The following AMZ1 variants were observed in gnomAD, a reference collection of about 807,000 sequenced individuals.
AMZ1 encodes the protein archaelysin family metallopeptidase 1.
Under a neutral mutation model 29.9 loss-of-function variants are expected in AMZ1, and 39 were observed. The observed-to-expected ratio is 1.30, with a 90% CI of 1.01 to 1.70. AMZ1 has a LOEUF of 1.70. Ranked by LOEUF, AMZ1 falls within the 40% of genes most tolerant of loss-of-function variation. The pLI is 0.00. For missense variants in AMZ1, 1,041 were observed against 680.6 expected, an observed-to-expected ratio of 1.53 and a Z score of -5.89; for synonymous variants, 458 against 304.0, an observed-to-expected ratio of 1.51 and a Z score of -5.27.
At chr7:2,762,661 AG>A, upstream of AMZ1, 4 of 1,598,692 alleles carry the variant, frequency 2.5e-6, no homozygotes, top group Non-Finnish European at 2.6e-6. Flanking sequence ...GGACGATGAG[AG>A]GATAAATCAT....
chr7:2,722,940 C>T (rs1789481987), downstream of AMZ1, among the ~76,000 whole-genome samples: 1 of 152,194 alleles, frequency 6.6e-6, no homozygotes, highest in Middle Eastern at 3.4e-3. Context: ...GATCACACCA[C>T]TGCACTCCAG....
In AMZ1 at chr7:2,724,852, C is replaced by G. The variant is rs114012938; in HGVS notation, n.550+15036C>G. Among the ~76,000 whole-genome samples, 533 of 152,224 alleles carry G rather than the reference C, an allele frequency of 3.5e-3. 4 individuals carry two copies. The highest frequency in any genetic ancestry group is 0.012 in the African/African-American group (511 of 41,548). ...GTGAGAGTCTCACAATGACAATGTC[C>G]GGGAAGGATTTCCAAACGTCAGGGT... On this transcript the variant is annotated intron_variant and non_coding_transcript_variant, in intron 4 of 4. Coordinates refer to the AMZ1 transcript ENST00000489665.
In AMZ1 at chr7:2,731,495, C is replaced by T. The variant is rs200282933; in HGVS notation, n.550+21679C>T. On this transcript the variant is annotated intron_variant and non_coding_transcript_variant, in intron 4 of 4. Transcript: ENST00000489665. The surrounding 1 kb of genome is among the most constrained non-coding windows in gnomAD (Gnocchi z 6.0). ...AAGAGCTTGTTGTTGACGATGGTCT[C>T]GAAGATGTTCATGGACTCCACCAGC... 2 of 1,613,710 alleles carry T rather than the reference C, an allele frequency of 1.2e-6. No individual in the cohort carries two copies. Among genetic ancestry groups the T allele is most frequent in the Non-Finnish European group, 1.7e-6 (2 of 1,179,842 alleles).
chr7:2,708,396 G>A (rs1165558787), intron 3 of AMZ1, among the ~76,000 whole-genome samples, 192 bp from the exon 4 acceptor site: 2 of 152,062 alleles, frequency 1.3e-5, no homozygotes, highest in African/African-American at 2.4e-5. Flanking sequence ...ATCTCCAAAT[G>A]GCCCTGGCTG....
rs759830502 is a variant in AMZ1, at chr7:2,708,621, C to T, written c.506C>T (p.Pro169Leu). Residue 169 changes from proline (P) to leucine (L), a missense_variant, in exon 4 of 7, where the codon CCA becomes CTA. Pro to Leu is a moderately conservative substitution (Grantham distance 98). Coordinates refer to ENST00000683327, the MANE Select transcript of AMZ1 (RefSeq NM_001384743.1). ...CTGTCCTTCTTGAAGAACAACAAGC[C>T]AGGGGACGCGCTGTGTGTGCTGGGC... Reference protein sequence around the residue: ...GILSFLKNNKPGDALCVLGLT... With the variant: ...GILSFLKNNKLGDALCVLGLT... 1.9e-5 allele frequency: 30 copies of T among 1,613,094 alleles called. No homozygotes were observed. The highest frequency in any genetic ancestry group is 2.5e-5 in the Non-Finnish European group (30 of 1,179,976).
chr7:2,754,716 T>G (rs946644530), intron 4 of AMZ1, among the ~76,000 whole-genome samples: 13 of 152,044 alleles, frequency 8.6e-5, no homozygotes, highest in African/African-American at 3.1e-4. Flanking sequence ...ACCACTACAC[T>G]CCAGTCCGAG....
chr7:2,709,042 C>T (rs200226968), intron 4 of AMZ1, 33 bp from the exon 5 acceptor site: 58 of 1,535,572 alleles, frequency 3.8e-5, no homozygotes, highest in Non-Finnish European at 5.0e-5. Context: ...AAGGCTGACC[C>T]CTGAGAGTGC....
At chr7:2,698,910 T>C (rs1226171874) in intron 1 of AMZ1, among the ~76,000 whole-genome samples, 1 of 152,178 alleles carries the variant, frequency 6.6e-6, no homozygotes, top group African/African-American at 2.4e-5. Context: ...TTTCTGGTTT[T>C]CCGGCTAGGA....
intron 1 of AMZ1, among the ~76,000 whole-genome samples, chr7:2,696,446 A>G (rs1398060303): frequency 2.0e-5 from 3 of 150,462 alleles, no homozygotes; most frequent in Admixed American, 6.6e-5. Flanking sequence ...TTTAGTAGAG[A>G]CGGGGTTTCA....
At position 2,712,952 on chromosome 7, in the gene AMZ1, TGACCTGCCAGGGATAAAGAGGAAG is replaced by T; in HGVS notation, c.*76_*99del. On this transcript the variant is annotated 3_prime_UTR_variant, in exon 7 of 7. Transcript: ENST00000683327. ...ACTGTCCAGTAGCTGAGGCCACTAC[TGACCTGCCAGGGATAAAGAGGAAG>T]GGTCTGCCTGGGTGGTGGCTCAGGC... 7.1e-7 allele frequency: 1 copy of T among 1,413,286 alleles called. No homozygotes were observed. Among genetic ancestry groups the T allele is most frequent in the Non-Finnish European group, 9.3e-7 (1 of 1,075,830 alleles). The allele number at this position is 1,413,286 out of a possible 1,614,324, so 87.5% of individuals were successfully genotyped here.
At chr7:2,725,252 A>AGCCATG (rs1383274839) in intron 4 of AMZ1, among the ~76,000 whole-genome samples, 5 of 152,168 alleles carry the variant, frequency 3.3e-5, no homozygotes, top group African/African-American at 4.8e-5. Context: ...CAGGGGCTGG[A>AGCCATG]GCCATGGCCA....
At chr7:2,688,129 C>G (rs559722501), upstream of AMZ1, 2 of 152,342 alleles carry the variant, frequency 1.3e-5, no homozygotes, top group East Asian at 1.9e-4. Context: ...CTGTCCTGCC[C>G]GCGGCCCCAC....
intron 4 of AMZ1, among the ~76,000 whole-genome samples, chr7:2,751,822 G>C (rs1386525820): frequency 6.6e-6 from 1 of 152,144 alleles, no homozygotes; most frequent in Non-Finnish European, 1.5e-5. Flanking sequence ...GTATGAAATA[G>C]AAAATTTGAA....
downstream of AMZ1, among the ~76,000 whole-genome samples, chr7:2,720,931 G>A (rs1050663392): frequency 1.3e-5 from 2 of 152,120 alleles, no homozygotes; most frequent in South Asian, 2.1e-4. Context: ...CTACTGCCTC[G>A]GGCTCACGAA....
At position 2,731,198 on chromosome 7, in the gene AMZ1, C is replaced by G; in HGVS notation, n.550+21382C>G. 1 of 1,611,536 alleles carries G rather than the reference C, an allele frequency of 6.2e-7. No individual in the cohort carries two copies. The highest frequency in any genetic ancestry group is 2.2e-5 in the East Asian group (1 of 44,846). Reference sequence around the variant, plus strand: ...TTCCTCGCTCACTGCAGCATGATGTCCTTCAGGTTCTCCTGCAGGATGGTG... The same window carrying G: ...TTCCTCGCTCACTGCAGCATGATGTGCTTCAGGTTCTCCTGCAGGATGGTG... On this transcript the variant is annotated intron_variant and non_coding_transcript_variant, in intron 4 of 4. Transcript: ENST00000489665. This position sits in a 1 kb window ranked among gnomAD's most constrained non-coding sequence, Gnocchi z 6.0.
Position 2,712,495 on chromosome 7 carries a change from G to A in AMZ1, c.1114G>A (p.Ala372Thr). 6.2e-7 allele frequency: 1 copy of A among 1,609,610 alleles called. No individual in the cohort carries two copies. The highest frequency in any genetic ancestry group is 8.5e-7 in the Non-Finnish European group (1 of 1,178,636). ...TSVSEPLTPD[A>T]GSHTFASGPE... is the part of the protein sequence containing the mutation. ...TGTGTCGGAGCCCCTCACCCCTGAT[G>A]CCGGGAGTCACACCTTCGCCTCGGG... Residue 372 changes from alanine to threonine, a missense_variant, in exon 7 of 7, where the codon GCC becomes ACC. Ala to Thr is a moderately conservative substitution (Grantham distance 58, BLOSUM62 0). Transcript: ENST00000683327.
chr7:2,702,429 G>C, intron 2 of AMZ1: 1 of 413,782 alleles, frequency 2.4e-6, no homozygotes, highest in South Asian at 4.6e-5. Flanking sequence ...GCTAACCCTA[G>C]AAGTCCCTGT....
chr7:2,755,098 C>T (rs1274319866), intron 4 of AMZ1, among the ~76,000 whole-genome samples: 1 of 152,104 alleles, frequency 6.6e-6, no homozygotes. Flanking sequence ...TGGCGGGGAG[C>T]GATCCACGGG....
upstream of AMZ1, chr7:2,762,752 A>C (rs761389205): frequency 1.9e-5 from 30 of 1,552,128 alleles, no homozygotes; most frequent in South Asian, 3.2e-4. Context: ...CAGGAAGTGC[A>C]CCAGGCCCGT....
Sources: gnomAD v4.1 joint callset for allele counts (sites outside exome capture counted in the v4.1 genomes callset) on GRCh38, gnomAD v4.1.1 for gene constraint, Gnocchi (gnomAD v3.1) non-coding constraint, MANE v1.5 for transcripts, NCBI Gene and HGNC (gene_info 2026-07-23, HGNC 2026-07-21) for gene names.